UGGT2: variants seen among roughly 807,000 people sequenced by gnomAD.
UGGT2 encodes the protein UDP-glucose glycoprotein glucosyltransferase 2.
UGGT2 carries 180 observed loss-of-function variants against 192.1 expected under a neutral mutation model. That is an observed-to-expected ratio of 0.94 (90% CI 0.83 to 1.06). The LOEUF (loss-of-function observed/expected upper bound fraction) is 1.06, where lower values mean the gene tolerates loss of function less well. UGGT2 is among the 50% of genes least tolerant of loss of function. The pLI is 0.00. For missense variants in UGGT2, 1,849 were observed against 1,795.7 expected, an observed-to-expected ratio of 1.03 and a Z score of -0.54; for synonymous variants, 580 against 591.0, an observed-to-expected ratio of 0.98 and a Z score of 0.27.
chr13:95,872,341 C>A (rs1891294075), intron 29 of UGGT2, among the ~76,000 whole-genome samples: 1 of 152,082 alleles, frequency 6.6e-6, no homozygotes, highest in Non-Finnish European at 1.5e-5. Context: ...AAGTGGAAAG[C>A]CAAATTTTAA....
At chr13:95,989,275 A>G (rs910707508) in intron 8 of UGGT2, among the ~76,000 whole-genome samples, 4 of 152,292 alleles carry the variant, frequency 2.6e-5, no homozygotes, top group South Asian at 2.1e-4. Context: ...AAAATAATCT[A>G]TATCATCTGA....
At chr13:95,966,521 T>C (rs1215347772) in intron 12 of UGGT2, among the ~76,000 whole-genome samples, 2 of 152,142 alleles carry the variant, frequency 1.3e-5, no homozygotes, top group African/African-American at 2.4e-5. Context: ...AGCAGCAATA[T>C]ATTACATAAT....
intron 16 of UGGT2, among the ~76,000 whole-genome samples, chr13:95,938,957 T>C (rs1410510808): frequency 7.1e-6 from 1 of 141,778 alleles, no homozygotes; most frequent in South Asian, 2.3e-4. Context: ...TTCTCAACAA[T>C]GGAGAATGCT....
chr13:96,004,919 A>G (rs2051925857), intron 5 of UGGT2, among the ~76,000 whole-genome samples: 1 of 151,956 alleles, frequency 6.6e-6, no homozygotes, highest in Admixed American at 6.6e-5. Flanking sequence ...TATATTCCCA[A>G]CCAATGTGCC....
At chr13:95,882,030 T>C (rs2047509787) in intron 27 of UGGT2, among the ~76,000 whole-genome samples, 1 of 151,838 alleles carries the variant, frequency 6.6e-6, no homozygotes, top group African/African-American at 2.4e-5. Context: ...TGCCTCAGCC[T>C]CCTGAGTAGC....
chr13:95,854,512 A>G (rs1321476201), intron 34 of UGGT2, 37 bp from the exon 35 acceptor site: 2 of 1,517,434 alleles, frequency 1.3e-6, no homozygotes, highest in Admixed American at 2.2e-5. Flanking sequence ...TAAAGACTGT[A>G]AAATAACATA....
Position 95,887,985 on chromosome 13 carries a change from A to G in UGGT2, c.2959-14T>C. ...CTTGCCAAGTACCTATTGGAAAGAA[A>G]TTCCCATGTTTGATATTAAATAATA... On this transcript the variant is annotated splice_polypyrimidine_tract_variant and intron_variant, in intron 25 of 38. Coordinates refer to ENST00000376747, the MANE Select transcript of UGGT2 (RefSeq NM_020121.4). 6.4e-7 allele frequency: 1 copy of G among 1,551,978 alleles called. No individual in the cohort carries two copies. The highest frequency in any genetic ancestry group is 1.2e-5 in the South Asian group (1 of 84,746).
At chr13:95,985,260 TTATA>T (rs1393197170) in intron 9 of UGGT2, 3 of 1,269,690 alleles carry the variant, frequency 2.4e-6, no homozygotes, top group Non-Finnish European at 3.1e-6. Context: ...TCATGTTTTA[TTATA>T]TAAATGACGA....
At chr13:95,959,547 A>G (rs1007620436) in intron 12 of UGGT2, among the ~76,000 whole-genome samples, 7 of 152,142 alleles carry the variant, frequency 4.6e-5, no homozygotes, top group Non-Finnish European at 8.8e-5. Context: ...ATCACCCAGC[A>G]CAATCCATTA....
At chr13:95,916,115 C>G (rs1021663743) in intron 20 of UGGT2, among the ~76,000 whole-genome samples, 1 of 152,172 alleles carries the variant, frequency 6.6e-6, no homozygotes, top group African/African-American at 2.4e-5. Context: ...GATCTCACAA[C>G]AAGGGTCTCC....
At chr13:95,838,163 T>C (rs1887503360) in intron 36 of UGGT2, among the ~76,000 whole-genome samples, 1 of 152,132 alleles carries the variant, frequency 6.6e-6, no homozygotes, top group Non-Finnish European at 1.5e-5. Flanking sequence ...ATACCAGCAA[T>C]GAACAAACAT....
intron 29 of UGGT2, among the ~76,000 whole-genome samples, chr13:95,876,342 G>A (rs914162480): frequency 2.0e-5 from 3 of 152,206 alleles, no homozygotes; most frequent in African/African-American, 7.2e-5. Flanking sequence ...CTGAATTTGT[G>A]GGGGCTGGCC....
At chr13:96,016,146 C>G (rs1219494102) in intron 4 of UGGT2, among the ~76,000 whole-genome samples, 2 of 152,094 alleles carry the variant, frequency 1.3e-5, no homozygotes, top group Non-Finnish European at 2.9e-5. Flanking sequence ...GATGTAGGAG[C>G]AAAGAAATGG....
chr13:95,954,271 A>T (rs1327579885), intron 12 of UGGT2, among the ~76,000 whole-genome samples: 1 of 152,192 alleles, frequency 6.6e-6, no homozygotes, highest in African/African-American at 2.4e-5. Context: ...CCAAAAATAA[A>T]ATTCTATGCC....
chr13:95,918,324 GAAACTAA>G (rs1179681740), intron 20 of UGGT2, among the ~76,000 whole-genome samples: 1 of 152,140 alleles, frequency 6.6e-6, no homozygotes, highest in East Asian at 1.9e-4. Context: ...GAATTACTTT[GAAACTAA>G]TGAGAACAAA....
intron 38 of UGGT2, chr13:95,809,573 C>T (rs373589343): frequency 2.1e-5 from 6 of 281,672 alleles, no homozygotes; most frequent in Non-Finnish European, 4.3e-5. Context: ...GCTACTCCTT[C>T]GCTGTCCCTT....
At chr13:95,991,626 A>G (rs1222445989) in intron 7 of UGGT2, among the ~76,000 whole-genome samples, 1 of 152,122 alleles carries the variant, frequency 6.6e-6, no homozygotes, top group East Asian at 1.9e-4. Context: ...TATGATAATA[A>G]AAGTACAATG....
chr13:95,929,520 A>G (rs2013955712), intron 17 of UGGT2, among the ~76,000 whole-genome samples: 1 of 152,116 alleles, frequency 6.6e-6, no homozygotes, highest in African/African-American at 2.4e-5. Context: ...CCAAATGTTT[A>G]GCTCCCACTC....
intron 17 of UGGT2, among the ~76,000 whole-genome samples, chr13:95,931,842 A>C (rs1186315223): frequency 2.0e-5 from 3 of 152,074 alleles, no homozygotes; most frequent in Admixed American, 6.5e-5. Flanking sequence ...CCGCAAGCAG[A>C]GGGAGCCGGC....
Sources: gnomAD v4.1 joint callset for allele counts (sites outside exome capture counted in the v4.1 genomes callset) on GRCh38, gnomAD v4.1.1 for gene constraint, MANE v1.5 for transcripts, NCBI Gene and HGNC (gene_info 2026-07-23, HGNC 2026-07-21) for gene names.